Variants in KCNK17 observed in about 807,000 individuals in gnomAD.
KCNK17 encodes the protein potassium two pore domain channel subfamily K member 17.
A neutral mutation model predicts 24.6 loss-of-function variants in KCNK17; 27 were observed. That is an observed-to-expected ratio of 1.10 (90% CI 0.81 to 1.51). The LOEUF is 1.51. Ranked by LOEUF, KCNK17 falls within the 40% of genes most tolerant of loss-of-function variation. KCNK17 has a pLI of 0.00. For missense variants in KCNK17, 450 were observed against 436.6 expected, an observed-to-expected ratio of 1.03 and a Z score of -0.27; for synonymous variants, 181 against 189.8, an observed-to-expected ratio of 0.95 and a Z score of 0.38.
chr6:39,309,772 G>A (rs998194724), intron 2 of KCNK17, among the ~76,000 whole-genome samples: 4 of 152,180 alleles, frequency 2.6e-5, no homozygotes, highest in Admixed American at 2.0e-4. Flanking sequence ...ATTCCTTAAC[G>A]TGGCAGTATT....
intron 2 of KCNK17, among the ~76,000 whole-genome samples, chr6:39,308,879 C>G (rs542020139): frequency 6.6e-6 from 1 of 152,332 alleles, no homozygotes; most frequent in African/African-American, 2.4e-5. Flanking sequence ...CCAAATACCT[C>G]CCATGTGTAA....
chr6:39,313,306 G>T (rs1456836594), intron 1 of KCNK17, among the ~76,000 whole-genome samples: 1 of 152,198 alleles, frequency 6.6e-6, no homozygotes, highest in East Asian at 1.9e-4. Flanking sequence ...CCTGAACCCT[G>T]CCTTCAGCCT....
chr6:39,304,157 C>A (rs555430282), intron 3 of KCNK17, 26 bp from the exon 4 acceptor site: 9 of 1,596,994 alleles, frequency 5.6e-6, no homozygotes, highest in Non-Finnish European at 7.7e-6. Flanking sequence ...TGTCCCCAGG[C>A]CTCCTGAGGC....
chr6:39,311,044 G>C (rs767881167), intron 1 of KCNK17, 37 bp from the exon 2 acceptor site: 3 of 1,325,806 alleles, frequency 2.3e-6, no homozygotes, highest in African/African-American at 2.9e-5. Flanking sequence ...AGGCTCTGTG[G>C]GGTGATGGAT....
Position 39,314,132 on chromosome 6 carries a change from C to G in KCNK17, c.189G>C (p.Leu63Phe). The G allele has an allele frequency of 6.3e-7, 1 of 1,595,938 alleles. No homozygotes were observed. Among genetic ancestry groups the G allele is most frequent in the Non-Finnish European group, 8.5e-7 (1 of 1,174,312 alleles). ...RSFQRDKWEL[L>F]QNFTCLDRPA... ...GGCGGTCCAGACACGTGAAGTTCTG[C>G]AACAGCTCCCACTTGTCGCGCTGGA... The change falls in exon 1 of 5, where the codon TTG becomes TTC. Residue 63 changes from leucine to phenylalanine, a missense_variant. By Grantham distance (22) the Leu-to-Phe change is conservative. Transcript: ENST00000373231.
intron 1 of KCNK17, among the ~76,000 whole-genome samples, chr6:39,311,522 T>C: frequency 6.6e-6 from 1 of 152,246 alleles, no homozygotes; most frequent in South Asian, 2.1e-4. Context: ...AACTTCTCTC[T>C]GTGCCTCAGT....
chr6:39,305,760 G>A (rs1187195471), intron 2 of KCNK17, among the ~76,000 whole-genome samples: 2 of 152,100 alleles, frequency 1.3e-5, no homozygotes, highest in Middle Eastern at 3.2e-3. Flanking sequence ...TGGTGCCCCC[G>A]CTTCCCCAGC....
chr6:39,299,837 T>G, intron 4 of KCNK17, 100 bp from the exon 5 acceptor site: 1 of 1,262,952 alleles, frequency 7.9e-7, no homozygotes, highest in African/African-American at 1.5e-5. Flanking sequence ...TATAAGCAAG[T>G]TGAGGTGCCA....
chr6:39,309,663 A>C (rs1583770843), intron 2 of KCNK17, among the ~76,000 whole-genome samples: 2 of 151,828 alleles, frequency 1.3e-5, no homozygotes, highest in South Asian at 4.2e-4. Context: ...AGACTAAAGG[A>C]CCCCCAAATC....
chr6:39,313,414 C>T (rs1398543140), intron 1 of KCNK17, among the ~76,000 whole-genome samples: 1 of 152,226 alleles, frequency 6.6e-6, no homozygotes, highest in East Asian at 1.9e-4. Context: ...GTCCGCCCTC[C>T]TCTCGAACCC....
rs190629048 is a variant in KCNK17, at chr6:39,307,400, C to T, written c.353-2745G>A. On this transcript the variant is annotated intron_variant, in intron 2 of 4. Transcript: ENST00000373231. ...CTCTTCCAAAGGAGAGTTCTCCTTTCTGTAGGCATCTAGGGCGAGGTAAAC... is the reference window on the plus strand; with the variant it reads ...CTCTTCCAAAGGAGAGTTCTCCTTTTTGTAGGCATCTAGGGCGAGGTAAAC... Among the ~76,000 whole-genome samples, 226 of 152,290 alleles carry T rather than the reference C, an allele frequency of 1.5e-3. 1 individual carries two copies. Among genetic ancestry groups the T allele is most frequent in the Non-Finnish European group, 2.4e-3 (165 of 68,028 alleles).
chr6:39,310,710 T>G (rs1311223493), intron 2 of KCNK17, among the ~76,000 whole-genome samples, 183 bp downstream of exon 2: 1 of 152,128 alleles, frequency 6.6e-6, no homozygotes, highest in East Asian at 1.9e-4. Context: ...ATGCTGAGGC[T>G]GAGTCAGCAG....
chr6:39,304,730 G>T, intron 2 of KCNK17, 75 bp from the exon 3 acceptor site: 2 of 1,511,846 alleles, frequency 1.3e-6, no homozygotes, highest in Non-Finnish European at 1.8e-6. Flanking sequence ...CCCACTCCTG[G>T]GCCCAACCCC....
At chr6:39,306,766 G>GTTTTTTTTTTTTTTT (rs34588404) in intron 2 of KCNK17, among the ~76,000 whole-genome samples, 1 of 130,524 alleles carries the variant, frequency 7.7e-6, no homozygotes, top group African/African-American at 2.9e-5. Context: ...TTCTTTCTTT[G>GTTTTTTTTTTTTTTT]TTTTTTTTTT....
chr6:39,310,896 T>G lies in KCNK17; in HGVS notation c.349A>C (p.Ile117Leu). 1 of 1,031,828 alleles carries G rather than the reference T, an allele frequency of 9.7e-7. No individual in the cohort carries two copies. Among genetic ancestry groups the G allele is most frequent in the Non-Finnish European group, 1.4e-6 (1 of 706,540 alleles). 63.9% of individuals were successfully genotyped at this position (1,031,828 alleles called of 1,614,324 possible). A position where few individuals can be genotyped will look rare whatever the true frequency, so the allele number is the denominator to read the frequency against. ...FFFSVSTITT[I>L]GYGNLSPNTM... ...CCTGGCCCCATCTGGCCCTTACCAATGGTGGTGATGGTGGACACAGAAAAG... is the reference window on the plus strand; with the variant it reads ...CCTGGCCCCATCTGGCCCTTACCAAGGGTGGTGATGGTGGACACAGAAAAG... The change falls in exon 2 of 5, where the codon ATT (isoleucine) becomes CTT (leucine). Residue 117 changes from isoleucine (I) to leucine (L), a missense_variant. Ile to Leu is a conservative substitution (Grantham distance 5, BLOSUM62 2). Transcript: ENST00000373231.
intron 4 of KCNK17, 115 bp downstream of exon 4, chr6:39,303,842 G>T: frequency 8.3e-7 from 1 of 1,203,712 alleles, no homozygotes; most frequent in Non-Finnish European, 1.2e-6. Flanking sequence ...CGGATTTTGG[G>T]CCCAAAAGCC....
chr6:39,300,275 G>T (rs531725339), intron 4 of KCNK17: 1 of 566,254 alleles, frequency 1.8e-6, no homozygotes, highest in African/African-American at 1.9e-5. Flanking sequence ...GGCGCCTGCC[G>T]CCACGCCCGG....
intron 4 of KCNK17, among the ~76,000 whole-genome samples, chr6:39,301,002 G>A (rs1373124947): frequency 6.6e-6 from 1 of 152,274 alleles, no homozygotes; most frequent in African/African-American, 2.4e-5. Context: ...TATGACTGTT[G>A]GGAGGATCAC....
chr6:39,314,277 C>G lies in KCNK17; in HGVS notation c.44G>C (p.Arg15Pro), dbSNP rs936039113. Reference protein sequence around the residue: ...RARAAPEGRVRGCAVPSTVLL... With the variant: ...RARAAPEGRVPGCAVPSTVLL... ...CACGGTGCTGGGCACCGCGCAGCCC[C>G]GGACCCTGCCCTCGGGAGCCGCCCG... Residue 15 changes from arginine (R) to proline (P), a missense_variant, in exon 1 of 5, where the codon CGG becomes CCG. Arg to Pro is a moderately radical substitution (Grantham distance 103). Coordinates refer to ENST00000373231, the MANE Select transcript of KCNK17 (RefSeq NM_031460.4). 3.3e-6 allele frequency: 5 copies of G among 1,500,940 alleles called. No individual in the cohort carries two copies. The highest frequency in any genetic ancestry group is 4.4e-6 in the Non-Finnish European group (5 of 1,129,310). 93.0% of individuals were successfully genotyped at this position (1,500,940 alleles called of 1,614,324 possible).
Sources: gnomAD v4.1 joint callset for allele counts (sites outside exome capture counted in the v4.1 genomes callset) on GRCh38, gnomAD v4.1.1 for gene constraint, MANE v1.5 for transcripts, NCBI Gene and HGNC (gene_info 2026-07-23, HGNC 2026-07-21) for gene names.